The following FAT4 variants were observed in gnomAD, a reference collection of about 807,000 sequenced individuals.
FAT4 encodes the protein FAT atypical cadherin 4, also known as protocadherin Fat 4.
In FAT4, 84 loss-of-function variants were observed where a neutral mutation model predicts 303.9. The observed-to-expected ratio is 0.28, with a 90% CI of 0.23 to 0.33. The LOEUF is 0.33. Among genes scored for constraint, FAT4 ranks in the 10% least tolerant of loss-of-function variants. FAT4 has a pLI of 1.00. For synonymous variants in FAT4, 2,307 were observed against 2,298.8 expected (o/e 1.00, Z -0.10); for missense variants, 6,005 against 6,146.8 (o/e 0.98, Z 0.77).
rs1270861771 is a variant in FAT4, at chr4:125,320,925, T to C, written c.4514T>C (p.Ile1505Thr). 6.2e-7 allele frequency: 1 copy of C among 1,614,190 alleles called. No individual in the cohort carries two copies. Among genetic ancestry groups the C allele is most frequent in the Admixed American group, 1.7e-5 (1 of 60,024 alleles). ...TVKANDQAVP[I>T]ETRRYALKNV... is the part of the protein sequence containing the mutation. ...AAAGCCAATGATCAAGCTGTGCCAA[T>C]AGAAACTAGACGGTATGCTTTGAAG... The change falls in exon 2 of 18, where the codon ATA becomes ACA. Residue 1505 changes from isoleucine (I) to threonine (T), a missense_variant. Transcript: ENST00000394329.
intron 2 of FAT4, among the ~76,000 whole-genome samples, chr4:125,387,777 C>A (rs1733811398): frequency 6.6e-6 from 1 of 152,186 alleles, no homozygotes; most frequent in African/African-American, 2.4e-5. Flanking sequence ...GCTTTTTACT[C>A]TTCTTTGTGC....
At chr4:125,353,072 T>C (rs988624590) in intron 2 of FAT4, among the ~76,000 whole-genome samples, 66 of 151,850 alleles carry the variant, frequency 4.3e-4, no homozygotes, top group African/African-American at 1.4e-3. Flanking sequence ...TTTTAGCAGA[T>C]TGTAAATTTT....
At chr4:125,468,337 C>T (rs1726738532) in intron 11 of FAT4, among the ~76,000 whole-genome samples, 175 bp from the exon 12 acceptor site, 1 of 151,964 alleles carries the variant, frequency 6.6e-6, no homozygotes, top group African/African-American at 2.4e-5. Context: ...TTTTAAAGAT[C>T]ATTCATTCAT....
At chr4:125,356,415 A>T (rs888828899) in intron 2 of FAT4, among the ~76,000 whole-genome samples, 6 of 152,018 alleles carry the variant, frequency 3.9e-5, no homozygotes, top group Non-Finnish European at 8.8e-5. Flanking sequence ...ACAGATTGTT[A>T]TTTACAAAAG....
At chr4:125,336,918 C>T (rs1268818730) in intron 2 of FAT4, among the ~76,000 whole-genome samples, 1 of 151,900 alleles carries the variant, frequency 6.6e-6, no homozygotes, top group Non-Finnish European at 1.5e-5. Context: ...TTAATATATG[C>T]ATTACAAATA....
At chr4:125,399,045 T>G in intron 3 of FAT4, 130 bp downstream of exon 3, 2 of 751,374 alleles carry the variant, frequency 2.7e-6, no homozygotes, top group South Asian at 5.0e-5. Flanking sequence ...CCAAAGAACA[T>G]TAATTCTTGA....
chr4:125,356,896 C>T (rs1371248541), intron 2 of FAT4, among the ~76,000 whole-genome samples: 1 of 151,622 alleles, frequency 6.6e-6, no homozygotes, highest in Non-Finnish European at 1.5e-5. Flanking sequence ...CTGCACATTG[C>T]ATTAAATCTC....
chr4:125,448,538 A>G lies in FAT4; in HGVS notation c.7528A>G (p.Arg2510Gly). 2 of 1,613,910 alleles carry G rather than the reference A, an allele frequency of 1.2e-6. No individual in the cohort carries two copies. The highest frequency in any genetic ancestry group is 1.1e-5 in the South Asian group (1 of 91,078). ...TGAACTGCATTATTCTCTTTCGGGTAGAAATTCTGAAAAATTTCACATTGA... is the reference window on the plus strand; with the variant it reads ...TGAACTGCATTATTCTCTTTCGGGTGGAAATTCTGAAAAATTTCACATTGA... Reference protein sequence around the residue: ...NSELHYSLSGRNSEKFHIDPL... With the variant: ...NSELHYSLSGGNSEKFHIDPL... The change falls in exon 10 of 18, where the codon AGA (arginine) becomes GGA (glycine). Residue 2510 changes from arginine to glycine, a missense_variant. By Grantham distance (125) the Arg-to-Gly change is moderately radical (BLOSUM62 -2). Transcript: ENST00000394329.
rs892098443 is a variant in FAT4, at chr4:125,321,644, C to A, written c.5175+58C>A. ...ATTTGCTTTTTAGAAAAATCATTCT[C>A]TTTATATTTACTCTCTATAATTGTT... On this transcript the variant is annotated intron_variant, in intron 2 of 17. Coordinates refer to ENST00000394329, the MANE Select transcript of FAT4 (RefSeq NM_001291303.3). 10 of 1,470,206 alleles carry A rather than the reference C, an allele frequency of 6.8e-6. No homozygotes were observed. The East Asian group carries it at 2.1e-4, about 30-fold the overall frequency. 91.1% of individuals were successfully genotyped at this position (1,470,206 alleles called of 1,614,324 possible).
intron 3 of FAT4, among the ~76,000 whole-genome samples, chr4:125,405,232 C>T (rs1734546349): frequency 6.6e-6 from 1 of 151,890 alleles, no homozygotes; most frequent in African/African-American, 2.4e-5. Context: ...AGTTTGTTTC[C>T]AAATCATGAC....
rs200702071 is a variant in FAT4, at chr4:125,450,461, G to A, written c.9451G>A (p.Ala3151Thr). 5.7e-4 allele frequency: 924 copies of A among 1,614,010 alleles called. 11 individuals are homozygous for A. In the South Asian group the frequency reaches 7.2e-3, roughly 13 times the overall value. The change falls in exon 10 of 18, where the codon GCC (alanine) becomes ACC (threonine). Residue 3151 changes from alanine (A) to threonine (T), a missense_variant. Physicochemically the swap from Ala to Thr is moderately conservative, Grantham distance 58. Transcript: ENST00000394329. ...INSSTGILTL[A>T]KALDYELCQK... ...TTCTTCTACAGGTATATTAACACTA[G>A]CCAAAGCTCTTGATTATGAGCTATG...
chr4:125,410,205 C>T (rs1465278935), intron 5 of FAT4, among the ~76,000 whole-genome samples: 1 of 152,026 alleles, frequency 6.6e-6, no homozygotes, highest in Non-Finnish European at 1.5e-5. Flanking sequence ...AAATTGGGCA[C>T]AAAGATATAT....
chr4:125,454,523 A>G (rs6534481), intron 10 of FAT4, among the ~76,000 whole-genome samples: 74,558 of 148,732 alleles, frequency 0.5, 18,975 homozygotes, highest in Middle Eastern at 0.58. Context: ...GTAATGAGTA[A>G]ATATAATGTT....
chr4:125,364,147 T>G (rs527382047), intron 2 of FAT4, among the ~76,000 whole-genome samples: 1 of 152,178 alleles, frequency 6.6e-6, no homozygotes, highest in South Asian at 2.1e-4. Flanking sequence ...TCTCTCTTTC[T>G]CTCTTCTCTC....
intron 3 of FAT4, among the ~76,000 whole-genome samples, chr4:125,403,632 T>C (rs1388240103): frequency 6.6e-6 from 1 of 152,130 alleles, no homozygotes; most frequent in East Asian, 1.9e-4. Flanking sequence ...TAACCATTTC[T>C]ATGATGCTAT....
intron 16 of FAT4, 97 bp from the exon 17 acceptor site, chr4:125,487,248 C>A: frequency 2.8e-6 from 3 of 1,082,172 alleles, no homozygotes; most frequent in Non-Finnish European, 2.7e-6. Flanking sequence ...ATTCTATCTG[C>A]TGTGGACTGG....
intron 2 of FAT4, among the ~76,000 whole-genome samples, chr4:125,391,884 A>G (rs1230809227): frequency 1.3e-5 from 2 of 152,148 alleles, no homozygotes; most frequent in Non-Finnish European, 2.9e-5. Context: ...CATTTGCTGA[A>G]TATGGGACTT....
chr4:125,483,936 G>GT (rs201560384), intron 16 of FAT4, among the ~76,000 whole-genome samples: 4,383 of 96,694 alleles, frequency 0.045, 186 homozygotes, highest in Non-Finnish European at 0.055. Flanking sequence ...CCAGGGTTCC[G>GT]TTTTTTTTTT....
rs750137906 is a variant in FAT4, at chr4:125,452,522, A to G, written c.11512A>G (p.Ile3838Val). Reference sequence around the variant, plus strand: ...AAAAAGCCGTGAGAGTCTTCCAGTCATCATCGTGGCAAATGAACCTCTGCA... The same window carrying G: ...AAAAAGCCGTGAGAGTCTTCCAGTCGTCATCGTGGCAAATGAACCTCTGCA... Reference protein sequence around the residue: ...VLKSRESLPVIIVANEPLQPF... With the variant: ...VLKSRESLPVVIVANEPLQPF... Residue 3838 changes from isoleucine to valine, a missense_variant, in exon 10 of 18, where the codon ATC (isoleucine) becomes GTC (valine). By Grantham distance (29) the Ile-to-Val change is conservative. Transcript: ENST00000394329. 1.2e-6 allele frequency: 2 copies of G among 1,614,124 alleles called. No individual in the cohort carries two copies. The highest frequency in any genetic ancestry group is 1.7e-6 in the Non-Finnish European group (2 of 1,180,030).
Sources: allele counts gnomAD v4.1 joint callset (sites outside exome capture counted in the v4.1 genomes callset), GRCh38; gene constraint gnomAD v4.1.1; transcripts MANE v1.5; gene names NCBI Gene and HGNC (gene_info 2026-07-23, HGNC 2026-07-21).